CMTR1: variants seen among roughly 807,000 people sequenced by gnomAD.
CMTR1 encodes the protein cap-specific mRNA (nucleoside-2'-O-)-methyltransferase 1.
In CMTR1, 39 loss-of-function variants were observed where a neutral mutation model predicts 107.0. That is an observed-to-expected ratio of 0.36 (90% confidence interval 0.28 to 0.48). The LOEUF (loss-of-function observed/expected upper bound fraction) is 0.48, where lower values mean the gene tolerates loss of function less well. CMTR1 is among the 20% of genes least tolerant of loss of function. The pLI is 0.99. For synonymous variants in CMTR1, 366 were observed against 379.5 expected, an observed-to-expected ratio of 0.96 and a Z score of 0.41; for missense variants, 672 against 1,064.9, an observed-to-expected ratio of 0.63 and a Z score of 5.14.
Position 37,443,453 on chromosome 6 carries a change from C to T in CMTR1, c.134-546C>T, listed in dbSNP as rs368921095. Among the ~76,000 whole-genome samples the T allele has an allele frequency of 1.6e-4, 24 of 151,930 alleles. No homozygotes were observed. The East Asian group carries it at 2.9e-3, about 18-fold the overall frequency. On this transcript the variant is annotated intron_variant, in intron 2 of 23. Transcript: ENST00000373451. ...CACTGCAACTTCTGCCTCCCGGGTTCAAGCAATTCTCCTGCCTCAGCCTCC... is the reference window on the plus strand; with the variant it reads ...CACTGCAACTTCTGCCTCCCGGGTTTAAGCAATTCTCCTGCCTCAGCCTCC...
intron 20 of CMTR1, among the ~76,000 whole-genome samples, chr6:37,476,942 C>A (rs1761750715): frequency 6.6e-6 from 1 of 152,236 alleles, no homozygotes; most frequent in South Asian, 2.1e-4. Flanking sequence ...TCTTTCTGCA[C>A]TTTAAAATGT....
At position 37,458,735 on chromosome 6, in the gene CMTR1, A is replaced by G; in HGVS notation, c.901A>G (p.Thr301Ala). The G allele has an allele frequency of 6.2e-7, 1 of 1,614,088 alleles. No homozygotes were observed. Among genetic ancestry groups the G allele is most frequent in the Non-Finnish European group, 8.5e-7 (1 of 1,180,024 alleles). ...KKWHAKGFGM[T>A]LKGPNDFKLE... ...GTGGCATGCAAAGGGCTTTGGAATG[A>G]CTTTGAAGGGCCCTAATGACTTCAA... is the stretch of plus-strand genomic sequence containing the variant. The change falls in exon 9 of 24, where the codon ACT becomes GCT. Residue 301 changes from threonine to alanine, a missense_variant. Transcript: ENST00000373451. The surrounding 1 kb of genome is among the most constrained non-coding windows in gnomAD (Gnocchi z 4.7).
intron 3 of CMTR1, among the ~76,000 whole-genome samples, chr6:37,445,674 A>G (rs187444295): frequency 1.6e-4 from 25 of 151,870 alleles, no homozygotes; most frequent in East Asian, 1.5e-3. Flanking sequence ...TATTTTTGGT[A>G]GAGACAGGGT....
intron 21 of CMTR1, 32 bp from the exon 22 acceptor site, chr6:37,478,377 C>A: frequency 7.8e-6 from 12 of 1,544,688 alleles, no homozygotes; most frequent in Non-Finnish European, 8.9e-6. Context: ...GGCCTTTTCT[C>A]TCTCATGCAC....
intron 4 of CMTR1, among the ~76,000 whole-genome samples, chr6:37,449,837 T>C (rs1447233199): frequency 2.0e-5 from 3 of 152,254 alleles, no homozygotes; most frequent in Non-Finnish European, 1.5e-5. Flanking sequence ...CTTTCTGATA[T>C]ACTTATCTTG....
At chr6:37,454,610 C>T (rs1761252295) in intron 8 of CMTR1, among the ~76,000 whole-genome samples, 1 of 152,114 alleles carries the variant, frequency 6.6e-6, no homozygotes, top group South Asian at 2.1e-4. Flanking sequence ...CTTTTGCTGT[C>T]ATGAAAATGA....
chr6:37,463,017 A>C lies in CMTR1; in HGVS notation c.1505+9A>C. ...ATACGGTCCAATGAGAGGTAAGCCA[A>C]CGGGCTGGTTTTTGCTGGTAACACT... On this transcript the variant is annotated intron_variant, in intron 13 of 23. Coordinates refer to ENST00000373451, the MANE Select transcript of CMTR1 (RefSeq NM_015050.3). 1 of 1,612,636 alleles carries C rather than the reference A, an allele frequency of 6.2e-7. No homozygotes were observed. The highest frequency in any genetic ancestry group is 1.1e-5 in the South Asian group (1 of 91,052).
At chr6:37,450,378 G>T in intron 5 of CMTR1, 35 bp downstream of exon 5, 1 of 1,517,686 alleles carries the variant, frequency 6.6e-7, no homozygotes, top group Non-Finnish European at 9.2e-7. Flanking sequence ...TGACTTCTTG[G>T]CATTCTCTTG....
intron 4 of CMTR1, among the ~76,000 whole-genome samples, chr6:37,447,787 G>A (rs1053850186): frequency 2.6e-5 from 4 of 151,752 alleles, no homozygotes; most frequent in Non-Finnish European, 5.9e-5. Flanking sequence ...TTGAACCTGG[G>A]AAGCAGAGGT....
At chr6:37,466,114 G>T (rs9470596) in intron 13 of CMTR1, among the ~76,000 whole-genome samples, 83,386 of 124,632 alleles carry the variant, frequency 0.67, 26,510 homozygotes, top group Middle Eastern at 0.8. Context: ...TACAGTTTTT[G>T]TTTTTTTTTT....
intron 4 of CMTR1, among the ~76,000 whole-genome samples, chr6:37,449,240 C>A (rs966143537): frequency 9.0e-5 from 13 of 144,672 alleles, no homozygotes; most frequent in African/African-American, 3.3e-4. Context: ...GCTACTGGGC[C>A]CAGCTCCAGG....
intron 8 of CMTR1, among the ~76,000 whole-genome samples, chr6:37,453,699 G>T (rs144649271): frequency 9.1e-4 from 138 of 152,268 alleles, no homozygotes; most frequent in African/African-American, 3.2e-3. Flanking sequence ...CATTTTCATT[G>T]ATCTATTTAA....
At chr6:37,443,471 C>G (rs1430834038) in intron 2 of CMTR1, among the ~76,000 whole-genome samples, 1 of 152,050 alleles carries the variant, frequency 6.6e-6, no homozygotes, top group East Asian at 1.9e-4. Flanking sequence ...TCTCCTGCCT[C>G]AGCCTCCCAA....
chr6:37,434,109 GGTA>G (rs955132193), intron 1 of CMTR1, among the ~76,000 whole-genome samples: 10 of 152,192 alleles, frequency 6.6e-5, no homozygotes, highest in African/African-American at 2.4e-4. Flanking sequence ...GCCTTTTGGG[GGTA>G]TTTAAGACTA....
At chr6:37,450,173 T>C in intron 4 of CMTR1, 78 bp from the exon 5 acceptor site, 2 of 1,236,646 alleles carry the variant, frequency 1.6e-6, no homozygotes, top group South Asian at 2.5e-5. Flanking sequence ...TTGATTGTTT[T>C]GGGGAAGTCC....
chr6:37,470,967 A>T, intron 13 of CMTR1, 54 bp from the exon 14 acceptor site: 1 of 1,475,032 alleles, frequency 6.8e-7, no homozygotes, highest in African/African-American at 1.4e-5. Flanking sequence ...TCCTGATGTC[A>T]GTTACCTGTC....
the CMTR1 span, among the ~76,000 whole-genome samples, chr6:37,425,804 G>C: frequency 6.6e-6 from 1 of 152,048 alleles, no homozygotes; most frequent in African/African-American, 2.4e-5. Context: ...TAAGCTTCTT[G>C]AATCTTTATA....
At position 37,433,374 on chromosome 6, in the gene CMTR1, C is replaced by G. The variant is rs1219283983; in HGVS notation, c.-10C>G. The G allele has an allele frequency of 6.6e-6, 1 of 152,526 alleles. No homozygotes were observed. The highest frequency in any genetic ancestry group is 1.5e-5 in the Non-Finnish European group (1 of 68,272). 9.4% of individuals were successfully genotyped at this position (152,526 alleles called of 1,614,324 possible). A position where few individuals can be genotyped will look rare whatever the true frequency, so the allele number is the denominator to read the frequency against. On this transcript the variant is annotated 5_prime_UTR_variant, in exon 1 of 24. Transcript: ENST00000373451. ...TCCCCGGCAGCTCGCTCTCTCCCCTCAGCGTGAGTGCCGACGCGCGGCCCG... is the reference window on the plus strand; with the variant it reads ...TCCCCGGCAGCTCGCTCTCTCCCCTGAGCGTGAGTGCCGACGCGCGGCCCG...
chr6:37,477,759 C>T (rs573790489), intron 21 of CMTR1, 120 bp downstream of exon 21: 20 of 697,128 alleles, frequency 2.9e-5, no homozygotes, highest in Middle Eastern at 2.8e-4. Flanking sequence ...CTGCCTCCAG[C>T]GGTCCCCTCA....
Sources: allele counts gnomAD v4.1 joint callset (sites outside exome capture counted in the v4.1 genomes callset), GRCh38; gene constraint gnomAD v4.1.1; non-coding constraint Gnocchi (gnomAD v3.1); transcripts MANE v1.5; gene names NCBI Gene and HGNC (gene_info 2026-07-23, HGNC 2026-07-21).